PPP2R2B: variants seen among roughly 807,000 people sequenced by gnomAD.
PPP2R2B encodes protein phosphatase 2 regulatory subunit Bbeta.
PPP2R2B carries 5 observed loss-of-function variants against 46.0 expected under a neutral mutation model. That is an observed-to-expected ratio of 0.11 (90% CI 0.06 to 0.23). The LOEUF (loss-of-function observed/expected upper bound fraction) is 0.23. Among genes scored for constraint, PPP2R2B ranks in the 10% least tolerant of loss-of-function variants. PPP2R2B has a pLI of 1.00. For synonymous variants in PPP2R2B, 215 were observed against 206.7 expected (o/e 1.04, Z -0.34); for missense variants, 367 against 575.0 (o/e 0.64, Z 3.70).
chr5:146,908,447 C>T (rs1439434520), intron 1 of PPP2R2B, among the ~76,000 whole-genome samples: 1 of 151,418 alleles, frequency 6.6e-6, no homozygotes, highest in Non-Finnish European at 1.5e-5. Context: ...GTATATTTTT[C>T]AAAAGACTCC....
rs1762695538 is a variant in PPP2R2B, at chr5:146,897,818, AC to A, written c.79+157846del. Among the ~76,000 whole-genome samples the A allele has an allele frequency of 2.0e-5, 3 of 150,450 alleles. No homozygotes were observed. The South Asian group carries it at 6.3e-4, about 32-fold the overall frequency. On this transcript the variant is annotated intron_variant, in intron 1 of 8. Coordinates refer to the PPP2R2B transcript ENST00000336640. Reference sequence around the variant, plus strand: ...AAACATAGAGAATAAGAAAAAAAAAACATGGAATTAAAAAATATGGCAAATT... The same window carrying A: ...AAACATAGAGAATAAGAAAAAAAAAAATGGAATTAAAAAATATGGCAAATT...
At chr5:146,807,394 T>C (rs1248939269) in intron 2 of PPP2R2B, among the ~76,000 whole-genome samples, 7 of 152,196 alleles carry the variant, frequency 4.6e-5, no homozygotes, top group Non-Finnish European at 1.0e-4. Context: ...TTTGTCTTGG[T>C]TCTTCCCTAT....
At chr5:146,960,717 G>T (rs1028469265) in intron 1 of PPP2R2B, among the ~76,000 whole-genome samples, 1 of 152,210 alleles carries the variant, frequency 6.6e-6, no homozygotes, top group African/African-American at 2.4e-5. Flanking sequence ...TGTCTTTCAG[G>T]CAGGGGATCA....
At chr5:146,951,752 G>T (rs1156526203) in intron 1 of PPP2R2B, among the ~76,000 whole-genome samples, 1 of 151,958 alleles carries the variant, frequency 6.6e-6, no homozygotes, top group Non-Finnish European at 1.5e-5. Flanking sequence ...TTAAAATCCG[G>T]TCTACCACTG....
At chr5:146,821,270 CAT>C (rs1391859868) in intron 2 of PPP2R2B, among the ~76,000 whole-genome samples, 1 of 152,178 alleles carries the variant, frequency 6.6e-6, no homozygotes, top group Non-Finnish European at 1.5e-5. Context: ...CCCTTAATAC[CAT>C]ACTCTTCTCT....
intron 1 of PPP2R2B, among the ~76,000 whole-genome samples, chr5:146,899,659 GC>G (rs1762761932): frequency 6.6e-6 from 1 of 151,838 alleles, no homozygotes; most frequent in Non-Finnish European, 1.5e-5. Flanking sequence ...AAAAGATAAA[GC>G]CAAAATATCA....
At chr5:146,971,011 A>T (rs771003396) in intron 1 of PPP2R2B, among the ~76,000 whole-genome samples, 1 of 152,228 alleles carries the variant, frequency 6.6e-6, no homozygotes, top group African/African-American at 2.4e-5. Flanking sequence ...AACATTTTTC[A>T]AAGTCTATTT....
At chr5:146,768,603 G>C (rs1441858101) in intron 2 of PPP2R2B, among the ~76,000 whole-genome samples, 1 of 152,100 alleles carries the variant, frequency 6.6e-6, no homozygotes, top group Non-Finnish European at 1.5e-5. Context: ...AATATAAACT[G>C]GCTTTCCACT....
intron 1 of PPP2R2B, among the ~76,000 whole-genome samples, chr5:147,031,750 C>G (rs574107895): frequency 6.6e-6 from 1 of 152,260 alleles, no homozygotes; most frequent in African/African-American, 2.4e-5. Flanking sequence ...CAAATACTTA[C>G]AGTCAACTGA....
At chr5:146,792,703 C>A (rs996593253) in intron 2 of PPP2R2B, among the ~76,000 whole-genome samples, 2 of 152,146 alleles carry the variant, frequency 1.3e-5, no homozygotes, top group African/African-American at 4.8e-5. Flanking sequence ...ATGCAGATGT[C>A]TGGAAGAAGA....
intron 1 of PPP2R2B, chr5:147,054,485 A>T (rs1243842212): frequency 1.1e-4 from 4 of 35,676 alleles, no homozygotes; most frequent in Non-Finnish European, 3.4e-4. Context: ...GTCCAACTGT[A>T]AAAAAAAAGT....
At chr5:146,923,398 G>A (rs1763675329) in intron 1 of PPP2R2B, among the ~76,000 whole-genome samples, 1 of 152,188 alleles carries the variant, frequency 6.6e-6, no homozygotes, top group African/African-American at 2.4e-5. Flanking sequence ...GCTCTCAAGT[G>A]TGTTTGACAC....
At chr5:146,948,904 C>T (rs573632137) in intron 1 of PPP2R2B, among the ~76,000 whole-genome samples, 133 of 152,172 alleles carry the variant, frequency 8.7e-4, no homozygotes, top group African/African-American at 3.1e-3. Flanking sequence ...CCTGAAACTG[C>T]TGTACATAAG....
At chr5:146,953,368 G>A (rs893681317) in intron 1 of PPP2R2B, among the ~76,000 whole-genome samples, 2 of 152,066 alleles carry the variant, frequency 1.3e-5, no homozygotes, top group South Asian at 2.1e-4. Flanking sequence ...CAAGGTATAC[G>A]GGGTATAATT....
intron 2 of PPP2R2B, among the ~76,000 whole-genome samples, chr5:146,867,797 A>G (rs1013832537): frequency 6.6e-6 from 1 of 152,212 alleles, no homozygotes; most frequent in Non-Finnish European, 1.5e-5. Context: ...GAACAAGACT[A>G]TAGGCTTATA....
At chr5:147,035,029 A>G in intron 1 of PPP2R2B, 1 of 446,570 alleles carries the variant, frequency 2.2e-6, no homozygotes, top group Non-Finnish European at 4.5e-6. Context: ...AGCCAGATAA[A>G]ACTTTGGTAG....
intron 2 of PPP2R2B, among the ~76,000 whole-genome samples, chr5:146,816,337 C>T (rs140592774): frequency 6.6e-5 from 10 of 152,234 alleles, no homozygotes; most frequent in African/African-American, 2.2e-4. Context: ...GAGGCTGAGG[C>T]GGCAGTGAGC....
intron 2 of PPP2R2B, among the ~76,000 whole-genome samples, chr5:146,829,748 T>A (rs1268235596): frequency 6.6e-6 from 1 of 152,186 alleles, no homozygotes; most frequent in Non-Finnish European, 1.5e-5. Flanking sequence ...CTAAAGTCTA[T>A]CCCTACAGAC....
chr5:146,600,559 C>T lies in PPP2R2B; in HGVS notation c.791-99G>A, dbSNP rs1771683828. Reference sequence around the variant, plus strand: ...GGAAGCTGACAGTGTAACTGAGAGTCTTAAGTAGGGCTGGTGTCTGCAGAA... The same window carrying T: ...GGAAGCTGACAGTGTAACTGAGAGTTTTAAGTAGGGCTGGTGTCTGCAGAA... On this transcript the variant is annotated intron_variant, in intron 7 of 9. Coordinates refer to ENST00000394411, the MANE Select transcript of PPP2R2B (RefSeq NM_181675.4). 8 of 1,190,076 alleles carry T rather than the reference C, an allele frequency of 6.7e-6. No homozygotes were observed. The Admixed American group carries it at 1.7e-4, about 25-fold the overall frequency. 73.7% of individuals were successfully genotyped at this position (1,190,076 alleles called of 1,614,324 possible). A position where few individuals can be genotyped will look rare whatever the true frequency, so the allele number is the denominator to read the frequency against.
Sources: gnomAD v4.1 joint callset for allele counts (sites outside exome capture counted in the v4.1 genomes callset) on GRCh38, gnomAD v4.1.1 for gene constraint, MANE v1.5 for transcripts, NCBI Gene and HGNC (gene_info 2026-07-23, HGNC 2026-07-21) for gene names.